MKRN2: variants seen among roughly 807,000 people sequenced by gnomAD.
The protein encoded by MKRN2 is makorin ring finger protein 2.
In MKRN2, 32 loss-of-function variants were observed where a neutral mutation model predicts 45.4. The ratio of observed to expected loss-of-function variants is 0.70; its 90% CI spans 0.53 to 0.95. The LOEUF (loss-of-function observed/expected upper bound fraction) is 0.95, where lower values mean the gene tolerates loss of function less well. MKRN2 is among the 40% of genes least tolerant of loss of function. The pLI is 0.00. For missense variants in MKRN2, 526 were observed against 536.7 expected (o/e 0.98, Z 0.20); for synonymous variants, 206 against 192.4 (o/e 1.07, Z -0.59).
Position 12,557,192 on chromosome 3 carries a change from C to A in MKRN2, c.26+16C>A. 1 of 1,534,320 alleles carries A rather than the reference C, an allele frequency of 6.5e-7. No individual in the cohort carries two copies. The highest frequency in any genetic ancestry group is 2.5e-5 in the East Asian group (1 of 39,484). ...TCACTTGCAGGTCAGTGCGCTGGAG[C>A]CAGGAGCTTCGGGCCGCTCCCCCAG... On this transcript the variant is annotated intron_variant, in intron 1 of 7. Coordinates refer to ENST00000170447, the MANE Select transcript of MKRN2 (RefSeq NM_014160.5).
At chr3:12,558,696 T>G (rs2058006822) in intron 1 of MKRN2, among the ~76,000 whole-genome samples, 1 of 152,246 alleles carries the variant, frequency 6.6e-6, no homozygotes, top group Non-Finnish European at 1.5e-5. Flanking sequence ...TTTTTCCTTG[T>G]ATACCTGGAG....
In MKRN2 at chr3:12,572,193, C is replaced by T. The variant is rs2058103933; in HGVS notation, c.462C>T (p.Gly154=). 6.2e-7 allele frequency: 1 copy of T among 1,614,046 alleles called. No homozygotes were observed. The highest frequency in any genetic ancestry group is 8.5e-7 in the Non-Finnish European group (1 of 1,180,002). The change falls in exon 4 of 8, where the codon GGC becomes GGT. Residue 154 remains glycine (G), a synonymous_variant. Coordinates refer to ENST00000170447, the MANE Select transcript of MKRN2 (RefSeq NM_014160.5). ...CCTACCTGGATGCCATCAGGAGTGG[C>T]CTTGATGACGTGGAGGCCAGCAGCT... ...PHSYLDAIRS[G]LDDVEASSSY... is the part of the protein sequence containing the mutation.
intron 1 of MKRN2, among the ~76,000 whole-genome samples, chr3:12,568,573 G>A (rs2058081905): frequency 6.6e-6 from 1 of 152,184 alleles, no homozygotes; most frequent in Non-Finnish European, 1.5e-5. Context: ...TTTTCACAGA[G>A]TGTTTTCTCA....
At chr3:12,561,218 A>G (rs909138996) in intron 1 of MKRN2, among the ~76,000 whole-genome samples, 2 of 152,234 alleles carry the variant, frequency 1.3e-5, no homozygotes, top group Non-Finnish European at 2.9e-5. Flanking sequence ...CCAGCTTATA[A>G]ATGGCAAAAT....
At chr3:12,568,761 C>T in intron 1 of MKRN2, 114 bp from the exon 2 acceptor site, 5 of 1,388,030 alleles carry the variant, frequency 3.6e-6, no homozygotes, top group Non-Finnish European at 4.9e-6. Flanking sequence ...CCTAATAGAG[C>T]CTTTATACAT....
At chr3:12,557,737 T>C (rs181583825) in intron 1 of MKRN2, among the ~76,000 whole-genome samples, 23 of 152,374 alleles carry the variant, frequency 1.5e-4, no homozygotes, top group Non-Finnish European at 2.9e-4. Context: ...CCAAGTCCTT[T>C]ATATTCATTA....
Position 12,577,779 on chromosome 3 carries a change from G to A in MKRN2, c.968+1038G>A, listed in dbSNP as rs576799277. Among the ~76,000 whole-genome samples, 12 of 151,944 alleles carry A rather than the reference G, an allele frequency of 7.9e-5. No individual in the cohort carries two copies. In the East Asian group the frequency reaches 1.9e-3, roughly 25 times the overall value. Reference sequence around the variant, plus strand: ...CAACCTCTGCCTCTCGGGTTCAAGCGATTCTCCTGCCTCAGCCTCCCGAGT... The same window carrying A: ...CAACCTCTGCCTCTCGGGTTCAAGCAATTCTCCTGCCTCAGCCTCCCGAGT... On this transcript the variant is annotated intron_variant, in intron 6 of 7. Transcript: ENST00000170447.
At chr3:12,581,780 CTCT>C (rs1263526159) in intron 6 of MKRN2, 25 bp from the exon 7 acceptor site, 1 of 1,612,194 alleles carries the variant, frequency 6.2e-7, no homozygotes, top group Non-Finnish European at 8.5e-7. Context: ...TCCCACCAGC[CTCT>C]TGACTTTTTC....
intron 1 of MKRN2, among the ~76,000 whole-genome samples, chr3:12,561,673 A>G (rs1416215407): frequency 6.6e-6 from 1 of 152,196 alleles, no homozygotes. Flanking sequence ...ACTTTTGTTT[A>G]ACTGCTTATG....
intron 6 of MKRN2, among the ~76,000 whole-genome samples, chr3:12,577,513 T>C (rs1439089274): frequency 6.6e-6 from 1 of 152,216 alleles, no homozygotes; most frequent in Non-Finnish European, 1.5e-5. Flanking sequence ...AGCAGCTACT[T>C]TGAAATCCTT....
Position 12,581,736 on chromosome 3 carries a change from A to C in MKRN2, c.969-72A>C, listed in dbSNP as rs371659957. On this transcript the variant is annotated intron_variant, in intron 6 of 7. Transcript: ENST00000170447. ...TCTGGCGTAAGGGTGGTAAGGATGG[A>C]GGCAGGCAGTGGCCCAGTTTGGACC... is the stretch of plus-strand genomic sequence containing the variant. The C allele has an allele frequency of 2.7e-5, 42 of 1,539,498 alleles. 1 individual carries two copies. In the East Asian group the frequency reaches 5.0e-4, roughly 18 times the overall value.
intron 1 of MKRN2, among the ~76,000 whole-genome samples, chr3:12,559,796 G>T (rs1041585484): frequency 6.6e-6 from 1 of 152,172 alleles, no homozygotes; most frequent in Non-Finnish European, 1.5e-5. Context: ...TGTTTTCGGA[G>T]CCCTGGGGGA....
Position 12,582,582 on chromosome 3 carries a change from T to TTC in MKRN2, c.*331_*332dup. On this transcript the variant is annotated 3_prime_UTR_variant, in exon 8 of 8. Transcript: ENST00000170447. ...AAACCTGGCTCTTACCTTTGATCTT[T>TTC]TCTTCCCCAGAAATAGTAAACTTGC... 1 of 228,038 alleles carries TTC rather than the reference T, an allele frequency of 4.4e-6. No homozygotes were observed. Among genetic ancestry groups the TTC allele is most frequent in the East Asian group, 8.9e-5 (1 of 11,288 alleles). The allele number at this position is 228,038 out of a possible 1,614,324, so 14.1% of individuals were successfully genotyped here.
Position 12,578,312 on chromosome 3 carries a change from C to CTTTTTTTTTTTTTTTTTTTT in MKRN2, c.968+1577_968+1596dup, listed in dbSNP as rs71063833. Among the ~76,000 whole-genome samples the CTTTTTTTTTTTTTTTTTTTT allele has an allele frequency of 2.8e-5, 2 of 71,716 alleles. 1 individual carries two copies. The highest frequency in any genetic ancestry group is 1.1e-4 in the African/African-American group (2 of 17,510). The allele number at this position is 71,716 out of a possible 152,430, so 47.0% of individuals were successfully genotyped here. A position where few individuals can be genotyped will look rare whatever the true frequency, so the allele number is the denominator to read the frequency against. On this transcript the variant is annotated intron_variant, in intron 6 of 7. Transcript: ENST00000170447. Reference sequence around the variant, plus strand: ...GCCTGCTCCAGGATAAGAGCTACTTCTTTTTTTTTTTTTTTTTTTTTTTTT... The same window carrying CTTTTTTTTTTTTTTTTTTTT: ...GCCTGCTCCAGGATAAGAGCTACTTCTTTTTTTTTTTTTTTTTTTTTTTTTTTTTTTTTTTTTTTTTTTTT...
At chr3:12,576,604 C>T (rs768188196) in intron 5 of MKRN2, 27 bp from the exon 6 acceptor site, 1 of 1,521,190 alleles carries the variant, frequency 6.6e-7, no homozygotes, top group East Asian at 2.3e-5. Context: ...CATGACTTCT[C>T]CCTTAGTAAT....
intron 6 of MKRN2, among the ~76,000 whole-genome samples, chr3:12,580,305 C>A (rs1575524013): frequency 6.6e-6 from 1 of 152,222 alleles, no homozygotes; most frequent in Non-Finnish European, 1.5e-5. Context: ...TGAGAGCAAA[C>A]TGCTCACGGT....
intron 1 of MKRN2, among the ~76,000 whole-genome samples, chr3:12,557,831 C>T (rs1208786023): frequency 6.6e-6 from 1 of 152,222 alleles, no homozygotes; most frequent in Non-Finnish European, 1.5e-5. Context: ...GACGTTGACA[C>T]TCATTTATCT....
At chr3:12,570,029 G>A in intron 2 of MKRN2, 42 bp from the exon 3 acceptor site, 6 of 1,532,602 alleles carry the variant, frequency 3.9e-6, no homozygotes, top group Admixed American at 1.9e-5. Context: ...AGATGTGTGT[G>A]GGTGGCATGT....
intron 1 of MKRN2, among the ~76,000 whole-genome samples, chr3:12,557,905 C>T (rs1251956028): frequency 6.6e-6 from 1 of 152,154 alleles, no homozygotes; most frequent in African/African-American, 2.4e-5. Context: ...TAGAAAATAG[C>T]CAGATAGCTA....
Sources: gnomAD v4.1 joint callset for allele counts (sites outside exome capture counted in the v4.1 genomes callset) on GRCh38, gnomAD v4.1.1 for gene constraint, MANE v1.5 for transcripts, NCBI Gene and HGNC (gene_info 2026-07-23, HGNC 2026-07-21) for gene names.